Variants in TMEM117 observed in about 807,000 individuals in gnomAD.
The protein encoded by TMEM117 is transmembrane protein 117.
TMEM117 carries 27 observed loss-of-function variants against 52.4 expected under a neutral mutation model. The observed-to-expected ratio is 0.51, with a 90% confidence interval of 0.38 to 0.71. The LOEUF is 0.71. Ranked by LOEUF, TMEM117 falls within the 30% of genes least tolerant of loss-of-function variation. TMEM117 has a pLI of 0.00. For synonymous variants in TMEM117, 215 were observed against 206.3 expected, an observed-to-expected ratio of 1.04 and a Z score of -0.36; for missense variants, 556 against 630.5, an observed-to-expected ratio of 0.88 and a Z score of 1.26.
chr12:44,386,965 A>G (rs552508635), intron 7 of TMEM117, among the ~76,000 whole-genome samples: 2 of 152,056 alleles, frequency 1.3e-5, no homozygotes, highest in Non-Finnish European at 2.9e-5. Flanking sequence ...ACGTTAAATA[A>G]TGTTACTTCA....
intron 3 of TMEM117, among the ~76,000 whole-genome samples, chr12:43,989,689 A>G (rs1181059095): frequency 6.6e-6 from 1 of 152,072 alleles, no homozygotes; most frequent in Non-Finnish European, 1.5e-5. Context: ...CCTTATGAGA[A>G]TGTCATAGCT....
At chr12:44,078,972 C>T (rs1947432142) in intron 3 of TMEM117, among the ~76,000 whole-genome samples, 2 of 148,956 alleles carry the variant, frequency 1.3e-5, no homozygotes, top group African/African-American at 5.0e-5. Context: ...GTTTGGTTTT[C>T]TGTTCTTGTG....
At chr12:44,278,690 AT>A (rs1675083684) in intron 5 of TMEM117, among the ~76,000 whole-genome samples, 3 of 152,228 alleles carry the variant, frequency 2.0e-5, no homozygotes, top group Admixed American at 1.3e-4. Flanking sequence ...TCATTGAACA[AT>A]TTTAAGAATT....
intron 5 of TMEM117, among the ~76,000 whole-genome samples, chr12:44,291,394 T>TTTTTTTTC (rs1950703495): frequency 1.4e-5 from 2 of 141,334 alleles, no homozygotes; most frequent in African/African-American, 5.8e-5. Flanking sequence ...TTTTTTTTTT[T>TTTTTTTTC]TTTGGTGGAG....
intron 3 of TMEM117, among the ~76,000 whole-genome samples, chr12:44,133,453 T>C (rs1233539916): frequency 6.6e-6 from 1 of 152,180 alleles, no homozygotes; most frequent in Non-Finnish European, 1.5e-5. Context: ...GTCTGAAATG[T>C]TCACAAGATG....
intron 6 of TMEM117, among the ~76,000 whole-genome samples, chr12:44,300,220 C>G (rs184688113): frequency 6.6e-6 from 1 of 152,302 alleles, no homozygotes; most frequent in East Asian, 1.9e-4. Context: ...TCAGTATTCA[C>G]CAGAGATCAT....
At chr12:44,311,789 ATATATATGTATATATGTATATATG>A (rs1205132145) in intron 6 of TMEM117, among the ~76,000 whole-genome samples, 6 of 32,870 alleles carry the variant, frequency 1.8e-4, no homozygotes, top group Admixed American at 1.4e-3. Context: ...GTATATATGT[ATATATATGTATATATGTATATATG>A]TATATATATG....
intron 3 of TMEM117, among the ~76,000 whole-genome samples, chr12:44,074,197 G>A (rs1179436713): frequency 1.3e-5 from 2 of 152,162 alleles, no homozygotes; most frequent in East Asian, 3.9e-4. Context: ...TATACCAGTT[G>A]CATTATAGTC....
At chr12:43,875,386 C>T (rs529322007) in intron 2 of TMEM117, among the ~76,000 whole-genome samples, 2 of 152,120 alleles carry the variant, frequency 1.3e-5, no homozygotes, top group African/African-American at 2.4e-5. Flanking sequence ...GGGCTCAGAA[C>T]GCTGAAGCAG....
chr12:44,044,884 C>T (rs1423394950), intron 3 of TMEM117, among the ~76,000 whole-genome samples: 1 of 152,216 alleles, frequency 6.6e-6, no homozygotes, highest in Non-Finnish European at 1.5e-5. Flanking sequence ...GATTCATGGG[C>T]TGTAGCCAAT....
chr12:44,088,234 G>A (rs1305420651), intron 3 of TMEM117, among the ~76,000 whole-genome samples: 1 of 152,176 alleles, frequency 6.6e-6, no homozygotes, highest in Non-Finnish European at 1.5e-5. Flanking sequence ...GTATAAATAT[G>A]AAGTGGTAAT....
intron 5 of TMEM117, among the ~76,000 whole-genome samples, chr12:44,277,417 A>G (rs1950527767): frequency 6.6e-6 from 1 of 152,184 alleles, no homozygotes; most frequent in South Asian, 2.1e-4. Context: ...GATATCTTAA[A>G]AAAAAAGACC....
intron 6 of TMEM117, among the ~76,000 whole-genome samples, chr12:44,303,241 G>C (rs2138650578): frequency 6.6e-6 from 1 of 151,892 alleles, no homozygotes; most frequent in South Asian, 2.1e-4. Flanking sequence ...TAGAGATGGG[G>C]TTTCTCTATG....
intron 2 of TMEM117, among the ~76,000 whole-genome samples, chr12:43,917,210 TAGTG>T (rs1054521989): frequency 1.6e-5 from 2 of 128,630 alleles, no homozygotes; most frequent in Non-Finnish European, 3.1e-5. Context: ...CTGGGCAAGA[TAGTG>T]AGAGCCTCAT....
chr12:44,258,919 A>G (rs565316784), intron 5 of TMEM117, among the ~76,000 whole-genome samples: 1 of 152,314 alleles, frequency 6.6e-6, no homozygotes, highest in Admixed American at 6.5e-5. Context: ...GATGTGCTGT[A>G]AGCATAAAGT....
Position 44,083,389 on chromosome 12 carries a change from GTT to G in TMEM117, c.411-60111_411-60110del, listed in dbSNP as rs1160025038. ...CTTAAATTTGTATTGGGTATTGTTAGTTTTTTTTTTTTTTTTTTTTTTTTTTA... is the reference window on the plus strand; with the variant it reads ...CTTAAATTTGTATTGGGTATTGTTAGTTTTTTTTTTTTTTTTTTTTTTTTA... On this transcript the variant is annotated intron_variant, in intron 3 of 7. Coordinates refer to ENST00000266534, the MANE Select transcript of TMEM117 (RefSeq NM_032256.3). Among the ~76,000 whole-genome samples the G allele has an allele frequency of 6.3e-3, 507 of 80,346 alleles. 2 individuals carry two copies. The highest frequency in any genetic ancestry group is 0.035 in the East Asian group (99 of 2,798). 52.7% of individuals were successfully genotyped at this position (80,346 alleles called of 152,430 possible).
At chr12:43,998,587 G>A (rs796177876) in intron 3 of TMEM117, among the ~76,000 whole-genome samples, 13 of 152,276 alleles carry the variant, frequency 8.5e-5, no homozygotes, top group Admixed American at 2.6e-4. Flanking sequence ...CAGATGAAGT[G>A]TAAGTCTAAA....
At chr12:44,242,282 T>C (rs1950072408) in intron 5 of TMEM117, among the ~76,000 whole-genome samples, 1 of 151,622 alleles carries the variant, frequency 6.6e-6, no homozygotes, top group Admixed American at 6.6e-5. Context: ...CTACTCCACA[T>C]CCTCCTCCTA....
At chr12:44,126,891 T>G (rs1948334637) in intron 3 of TMEM117, among the ~76,000 whole-genome samples, 1 of 152,196 alleles carries the variant, frequency 6.6e-6, no homozygotes, top group Non-Finnish European at 1.5e-5. Context: ...GTGCAGGAAC[T>G]TCAAAAAGGA....
Sources: allele counts gnomAD v4.1 joint callset (sites outside exome capture counted in the v4.1 genomes callset), GRCh38; gene constraint gnomAD v4.1.1; transcripts MANE v1.5; gene names NCBI Gene and HGNC (gene_info 2026-07-23, HGNC 2026-07-21).